The following PDSS2 variants were observed in gnomAD, a reference collection of about 807,000 sequenced individuals.
PDSS2 encodes the protein all trans-polyprenyl-diphosphate synthase PDSS2.
A neutral mutation model predicts 44.5 loss-of-function variants in PDSS2; 31 were observed. That is an observed-to-expected ratio of 0.70 (90% CI 0.52 to 0.94). The LOEUF (loss-of-function observed/expected upper bound fraction) is 0.94, where lower values mean the gene tolerates loss of function less well. Among genes scored for constraint, PDSS2 ranks in the 40% least tolerant of loss-of-function variants. The pLI is 0.00. For synonymous variants in PDSS2, 157 were observed against 180.3 expected (o/e 0.87, Z 1.03); for missense variants, 452 against 482.2 (o/e 0.94, Z 0.59).
At chr6:107,194,202 T>C (rs1772477563) in intron 6 of PDSS2, among the ~76,000 whole-genome samples, 1 of 152,208 alleles carries the variant, frequency 6.6e-6, no homozygotes. Context: ...TGCCATATCA[T>C]CTAACACAAA....
intron 6 of PDSS2, among the ~76,000 whole-genome samples, chr6:107,194,824 G>A (rs1261471127): frequency 6.6e-6 from 1 of 152,020 alleles, no homozygotes; most frequent in East Asian, 1.9e-4. Flanking sequence ...GGTGGCAGGC[G>A]CCTGTAATCC....
intron 1 of PDSS2, among the ~76,000 whole-genome samples, chr6:107,389,801 C>G (rs917716535): frequency 6.6e-6 from 1 of 151,760 alleles, no homozygotes; most frequent in Non-Finnish European, 1.5e-5. Context: ...TTCTAAATAC[C>G]ACTATTCAAT....
chr6:107,260,358 T>G (rs935743390), intron 3 of PDSS2, among the ~76,000 whole-genome samples: 1 of 152,194 alleles, frequency 6.6e-6, no homozygotes, highest in Non-Finnish European at 1.5e-5. Context: ...GTTGCGTATT[T>G]ACAACTTTAA....
At chr6:107,212,055 T>C in intron 5 of PDSS2, 54 bp downstream of exon 5, 1 of 1,437,642 alleles carries the variant, frequency 7.0e-7, no homozygotes, top group South Asian at 1.1e-5. Flanking sequence ...AGGTTTCTTG[T>C]GTGTCGTTTT....
chr6:107,191,089 C>T (rs1414450635), intron 7 of PDSS2, among the ~76,000 whole-genome samples: 1 of 152,126 alleles, frequency 6.6e-6, no homozygotes, highest in Non-Finnish European at 1.5e-5. Context: ...GACGGGGTTT[C>T]ACCGTGTTAG....
Position 107,448,744 on chromosome 6 carries a change from C to T in PDSS2, c.296+10246G>A, listed in dbSNP as rs368039464. On this transcript the variant is annotated intron_variant, in intron 1 of 7. Coordinates refer to ENST00000369037, the MANE Select transcript of PDSS2 (RefSeq NM_020381.4). The stretch of plus-strand genomic sequence containing the variant: ...TCTCTACGGTACCAATTAGTCTGTT[C>T]TCACATTGCTCTAAGGAGATGCCCC... Among the ~76,000 whole-genome samples the T allele has an allele frequency of 6.4e-4, 97 of 152,268 alleles. 1 individual carries two copies. The South Asian group carries it at 0.02, about 31-fold the overall frequency.
At chr6:107,347,444 T>C (rs1210583840) in intron 1 of PDSS2, among the ~76,000 whole-genome samples, 1 of 151,976 alleles carries the variant, frequency 6.6e-6, no homozygotes, top group Non-Finnish European at 1.5e-5. Flanking sequence ...TAACTTTTTG[T>C]CTTTTCAGTA....
At chr6:107,176,437 C>A (rs369570320) in intron 7 of PDSS2, among the ~76,000 whole-genome samples, 1 of 73,996 alleles carries the variant, frequency 1.4e-5, no homozygotes, top group Non-Finnish European at 3.8e-5. Flanking sequence ...CATACACACA[C>A]ACACACACAC....
At chr6:107,318,817 T>C (rs1777285428) in intron 2 of PDSS2, among the ~76,000 whole-genome samples, 1 of 152,002 alleles carries the variant, frequency 6.6e-6, no homozygotes, top group African/African-American at 2.4e-5. Flanking sequence ...TGAAACCCCA[T>C]CTCTACTAAA....
At chr6:107,341,744 T>G (rs1000685595) in intron 1 of PDSS2, among the ~76,000 whole-genome samples, 7 of 152,202 alleles carry the variant, frequency 4.6e-5, no homozygotes, top group African/African-American at 1.7e-4. Flanking sequence ...GGGCCAGTAG[T>G]TGTAAGCTTC....
In PDSS2 at chr6:107,269,638, T is replaced by C. The variant is rs1234285551; in HGVS notation, c.630+4391A>G. Among the ~76,000 whole-genome samples the C allele has an allele frequency of 2.0e-5, 3 of 152,240 alleles. No homozygotes were observed. The East Asian group carries it at 5.8e-4, about 29-fold the overall frequency. ...GATTCTCAAGTGATGTTGAACGAAATGCTGCCAATTATTATTAGTAGTAGT... is the reference window on the plus strand; with the variant it reads ...GATTCTCAAGTGATGTTGAACGAAACGCTGCCAATTATTATTAGTAGTAGT... On this transcript the variant is annotated intron_variant, in intron 3 of 7. Coordinates refer to ENST00000369037, the MANE Select transcript of PDSS2 (RefSeq NM_020381.4).
At chr6:107,437,590 T>C (rs988355589) in intron 1 of PDSS2, among the ~76,000 whole-genome samples, 1 of 151,272 alleles carries the variant, frequency 6.6e-6, no homozygotes, top group African/African-American at 2.4e-5. Flanking sequence ...GGATTGGTTC[T>C]AGGACCTCCT....
intron 2 of PDSS2, among the ~76,000 whole-genome samples, chr6:107,290,830 C>T (rs1458647971): frequency 6.6e-6 from 1 of 152,070 alleles, no homozygotes; most frequent in East Asian, 1.9e-4. Context: ...TTTTTTTCCC[C>T]TCCATAGCTC....
chr6:107,371,481 T>A (rs1294396790), intron 1 of PDSS2, among the ~76,000 whole-genome samples: 1 of 152,192 alleles, frequency 6.6e-6, no homozygotes. Flanking sequence ...ATCTGCAGGT[T>A]ACATTCTCCT....
At chr6:107,328,398 C>T (rs536508020) in intron 2 of PDSS2, among the ~76,000 whole-genome samples, 73 of 152,252 alleles carry the variant, frequency 4.8e-4, no homozygotes, top group African/African-American at 1.6e-3. Flanking sequence ...AGTTACTTCA[C>T]CTGAGTCTCA....
At chr6:107,297,317 T>G (rs1247571594) in intron 2 of PDSS2, among the ~76,000 whole-genome samples, 15 of 152,066 alleles carry the variant, frequency 9.9e-5, no homozygotes, top group African/African-American at 3.4e-4. Context: ...ATCCCTCCTT[T>G]CCTAGAAAAA....
chr6:107,340,773 T>C (rs1778055535), intron 1 of PDSS2, among the ~76,000 whole-genome samples: 1 of 152,002 alleles, frequency 6.6e-6, no homozygotes, highest in African/African-American at 2.4e-5. Flanking sequence ...AATGGAGTCA[T>C]GGGAATAGAA....
At chr6:107,387,892 AAGTT>A (rs1168386295) in intron 1 of PDSS2, among the ~76,000 whole-genome samples, 1 of 152,252 alleles carries the variant, frequency 6.6e-6, no homozygotes, top group Non-Finnish European at 1.5e-5. Flanking sequence ...TCACTGAAGA[AAGTT>A]AGCAGACAAC....
intron 6 of PDSS2, among the ~76,000 whole-genome samples, chr6:107,196,994 G>A (rs938600861): frequency 3.3e-5 from 5 of 152,188 alleles, no homozygotes; most frequent in Non-Finnish European, 4.4e-5. Context: ...AAAACTCCAC[G>A]CCCCTTCCCA....
Sources: gnomAD v4.1 joint callset for allele counts (sites outside exome capture counted in the v4.1 genomes callset) on GRCh38, gnomAD v4.1.1 for gene constraint, MANE v1.5 for transcripts, NCBI Gene and HGNC (gene_info 2026-07-23, HGNC 2026-07-21) for gene names.